The following XPO6 variants were observed in gnomAD, a reference collection of about 807,000 sequenced individuals.
XPO6 encodes exportin 6.
A neutral mutation model predicts 130.0 loss-of-function variants in XPO6; 3 were observed. That is an observed-to-expected ratio of 0.02 (90% CI 0.01 to 0.06). The LOEUF (loss-of-function observed/expected upper bound fraction) is 0.06. Ranked by LOEUF, XPO6 falls within the 10% of genes least tolerant of loss-of-function variation. The pLI, the probability that XPO6 is intolerant of heterozygous loss-of-function variation, is 1.00. For synonymous variants in XPO6, 524 were observed against 548.9 expected, an observed-to-expected ratio of 0.95 and a Z score of 0.63; for missense variants, 970 against 1,393.0, an observed-to-expected ratio of 0.70 and a Z score of 4.83.
intron 21 of XPO6, among the ~76,000 whole-genome samples, chr16:28,104,332 T>A (rs2086724278): frequency 6.6e-6 from 1 of 152,216 alleles, no homozygotes; most frequent in Non-Finnish European, 1.5e-5. Context: ...GTGTATGTCA[T>A]CTCATTTAAC....
chr16:28,179,655 G>C (rs1675435690), intron 2 of XPO6, among the ~76,000 whole-genome samples: 1 of 152,166 alleles, frequency 6.6e-6, no homozygotes, highest in South Asian at 2.1e-4. Flanking sequence ...TTTGCTGGAG[G>C]GTGGGTGGAG....
intron 1 of XPO6, 35 bp from the exon 2 acceptor site, chr16:28,181,066 G>C (rs1194568104): frequency 6.6e-7 from 1 of 1,513,846 alleles, no homozygotes; most frequent in South Asian, 1.1e-5. Flanking sequence ...TCAATAAGCT[G>C]CATCTTCAGT....
At chr16:28,128,822 T>C (rs2042611063) in intron 12 of XPO6, among the ~76,000 whole-genome samples, 1 of 152,186 alleles carries the variant, frequency 6.6e-6, no homozygotes, top group Admixed American at 6.5e-5. Context: ...TCATCACCCC[T>C]GGCCCACTCC....
intron 15 of XPO6, among the ~76,000 whole-genome samples, chr16:28,114,202 A>C (rs1311913380): frequency 3.4e-5 from 5 of 147,120 alleles, no homozygotes; most frequent in East Asian, 2.0e-4. Context: ...ATCCTCACAA[A>C]AAAAAAAAAA....
At chr16:28,194,181 A>G (rs974863934) in intron 1 of XPO6, among the ~76,000 whole-genome samples, 2 of 152,156 alleles carry the variant, frequency 1.3e-5, no homozygotes, top group African/African-American at 2.4e-5. Flanking sequence ...TCATCCATAA[A>G]TGAGCAAAAC....
At chr16:28,113,747 G>C (rs911620222) in intron 15 of XPO6, among the ~76,000 whole-genome samples, 10 of 151,790 alleles carry the variant, frequency 6.6e-5, no homozygotes, top group African/African-American at 2.4e-4. Flanking sequence ...ACCTAAAAGG[G>C]TAAAGCTACA....
rs779414733 is a variant in XPO6, at chr16:28,106,189, G to A, written c.2638C>T (p.His880Tyr). The change falls in exon 20 of 24, where the codon CAC (histidine) becomes TAC (tyrosine). Residue 880 changes from histidine (H) to tyrosine (Y), a missense_variant. Physicochemically the swap from His to Tyr is moderately conservative, Grantham distance 83 (BLOSUM62 2). Transcript: ENST00000304658. The surrounding 1 kb of genome is among the most constrained non-coding windows in gnomAD (Gnocchi z 4.2). The part of the protein sequence containing the change: ...TREQLAESIL[H>Y]EGSTGCRVVE... ...ACCCGGCAGCCTGTGCTGCCCTCGT[G>A]GAGGATGCTCTCGGCTAACTGCTCT... The A allele has an allele frequency of 3.1e-6, 5 of 1,614,156 alleles. No homozygotes were observed. The South Asian group carries it at 4.4e-5, about 14-fold the overall frequency.
At chr16:28,176,998 T>C (rs2043544502) in intron 3 of XPO6, among the ~76,000 whole-genome samples, 1 of 152,178 alleles carries the variant, frequency 6.6e-6, no homozygotes, top group Admixed American at 6.5e-5. Context: ...ACAAATGACC[T>C]ACCTACTTAA....
chr16:28,142,257 G>GCT (rs2042908604), intron 9 of XPO6, among the ~76,000 whole-genome samples: 1 of 152,216 alleles, frequency 6.6e-6, no homozygotes, highest in African/African-American at 2.4e-5. Flanking sequence ...ACATGTGCAT[G>GCT]CTCTTAGTTA....
chr16:28,167,916 AT>A (rs1195994278), intron 5 of XPO6, among the ~76,000 whole-genome samples: 1 of 121,564 alleles, frequency 8.2e-6, no homozygotes, highest in Non-Finnish European at 1.7e-5. Context: ...AATGCCAGGG[AT>A]TGGGGGAGAG....
At chr16:28,147,078 T>C (rs1040011613) in intron 8 of XPO6, among the ~76,000 whole-genome samples, 12 of 152,226 alleles carry the variant, frequency 7.9e-5, no homozygotes, top group African/African-American at 2.9e-4. Flanking sequence ...CTGGACCACA[T>C]ATTTGGTGAC....
intron 1 of XPO6, among the ~76,000 whole-genome samples, chr16:28,187,784 T>A (rs907599181): frequency 4.0e-5 from 6 of 151,354 alleles, no homozygotes; most frequent in African/African-American, 1.5e-4. Flanking sequence ...AAACTGTTGG[T>A]ATCACTTTCA....
intron 15 of XPO6, among the ~76,000 whole-genome samples, chr16:28,115,518 T>C (rs2087033284): frequency 6.6e-6 from 1 of 152,232 alleles, no homozygotes; most frequent in African/African-American, 2.4e-5. Context: ...TAAACCATGA[T>C]GTAAACAGAT....
At chr16:28,121,868 T>A in intron 13 of XPO6, 106 bp from the exon 14 acceptor site, 1 of 694,200 alleles carries the variant, frequency 1.4e-6, no homozygotes, top group Admixed American at 2.4e-5. Context: ...GACTTTTTCA[T>A]ATACAAAAAA....
At chr16:28,175,785 T>C (rs181580338) in intron 4 of XPO6, 113 bp downstream of exon 4, 1,068 of 829,666 alleles carry the variant, frequency 1.3e-3, no homozygotes, top group Non-Finnish European at 1.9e-3. Context: ...TACAATAACC[T>C]CACTACTGCA....
rs377452301 is a variant in XPO6, at chr16:28,106,061, C to T, written c.2766G>A (p.Val922=). Residue 922 remains valine (V), a synonymous_variant, in exon 20 of 24, where the codon GTG becomes GTA. Coordinates refer to ENST00000304658, the MANE Select transcript of XPO6 (RefSeq NM_015171.4). The surrounding 1 kb of genome is among the most constrained non-coding windows in gnomAD (Gnocchi z 4.2). ...PSIIALCMEQ[V]YPIIAERPSP... ...CCCCTACCTCGGCAATGATGGGATA[C>T]ACTTGCTCCATGCACAGGGCGATGA... is the stretch of plus-strand genomic sequence containing the variant. 4.3e-4 allele frequency: 686 copies of T among 1,614,000 alleles called. 1 individual carries two copies. Among genetic ancestry groups the T allele is most frequent in the Non-Finnish European group, 5.3e-4 (620 of 1,179,974 alleles).
intron 13 of XPO6, among the ~76,000 whole-genome samples, chr16:28,123,697 A>G (rs1200302963): frequency 6.6e-6 from 1 of 152,212 alleles, no homozygotes; most frequent in African/African-American, 2.4e-5. Flanking sequence ...CGTGATCAGA[A>G]CAGTTATTAT....
intron 8 of XPO6, 84 bp downstream of exon 8, chr16:28,152,575 G>C: frequency 6.7e-7 from 1 of 1,493,972 alleles, no homozygotes; most frequent in Non-Finnish European, 9.0e-7. Context: ...GGAAAATAAA[G>C]TTGAAAGAAA....
At chr16:28,152,594 T>G in intron 8 of XPO6, 65 bp downstream of exon 8, 2 of 1,548,828 alleles carry the variant, frequency 1.3e-6, no homozygotes, top group Non-Finnish European at 1.7e-6. Context: ...AAAAGTTCTT[T>G]CTTCTCAAAG....
Sources: allele counts gnomAD v4.1 joint callset (sites outside exome capture counted in the v4.1 genomes callset), GRCh38; gene constraint gnomAD v4.1.1; non-coding constraint Gnocchi (gnomAD v3.1); transcripts MANE v1.5; gene names NCBI Gene and HGNC (gene_info 2026-07-23, HGNC 2026-07-21).